The following DAND5 variants were observed in gnomAD, a reference collection of about 807,000 sequenced individuals.
DAND5 encodes DAN domain family member 5.
A neutral mutation model predicts 9.2 loss-of-function variants in DAND5; 8 were observed. The ratio of observed to expected loss-of-function variants is 0.87; its 90% CI spans 0.51 to 1.56. The LOEUF is 1.56. Among genes scored for constraint, DAND5 ranks in the 40% most tolerant of loss-of-function variants. DAND5 has a pLI of 0.00. For synonymous variants in DAND5, 95 were observed against 101.1 expected, an observed-to-expected ratio of 0.94 and a Z score of 0.36; for missense variants, 244 against 244.7, an observed-to-expected ratio of 1.00 and a Z score of 0.02.
intron 1 of DAND5, among the ~76,000 whole-genome samples, chr19:12,972,056 A>AT (rs1491209751): frequency 0.01 from 1,101 of 108,976 alleles, 20 homozygotes; most frequent in African/African-American, 0.029. Flanking sequence ...AGCCCAGCTA[A>AT]TATTTTTTTT....
At chr19:12,971,684 G>A (rs977322617) in intron 1 of DAND5, among the ~76,000 whole-genome samples, 8 of 150,898 alleles carry the variant, frequency 5.3e-5, no homozygotes, top group Middle Eastern at 3.5e-3. Flanking sequence ...TCCATCTCCC[G>A]GGTTCAAGCA....
intron 1 of DAND5, chr19:12,970,640 T>TCTTTCTTTCTTTCTTTCTTTCC: frequency 4.8e-6 from 2 of 413,962 alleles, no homozygotes; most frequent in Non-Finnish European, 7.9e-6. Context: ...TCTTTTTTTC[T>TCTTTCTTTCTTTCTTTCTTTCC]CTTTCTTTCT....
At chr19:12,970,800 C>A (rs2011142782) in intron 1 of DAND5, among the ~76,000 whole-genome samples, 1 of 152,070 alleles carries the variant, frequency 6.6e-6, no homozygotes, top group African/African-American at 2.4e-5. Flanking sequence ...CGTGCCTCAG[C>A]CTCCCAAGTA....
intron 1 of DAND5, among the ~76,000 whole-genome samples, chr19:12,970,919 G>A (rs1446625179): frequency 1.3e-5 from 2 of 152,168 alleles, no homozygotes; most frequent in Non-Finnish European, 2.9e-5. Context: ...GACCTCAGGT[G>A]ACCCGCCTGC....
chr19:12,973,571 C>T lies in DAND5; in HGVS notation c.507C>T (p.Ser169=). Residue 169 remains serine, a synonymous_variant, in exon 2 of 2, where the codon TCC becomes TCT. Transcript: ENST00000317060. ...VLWCLTGSSA[S]RRRVKISTML... ...GGTGTCTCACTGGCAGCTCAGCCTCCCGTCGACGGGTGAAGATATCCACCA... is the reference window on the plus strand; with the variant it reads ...GGTGTCTCACTGGCAGCTCAGCCTCTCGTCGACGGGTGAAGATATCCACCA... 6.2e-7 allele frequency: 1 copy of T among 1,614,144 alleles called. No individual in the cohort carries two copies. The highest frequency in any genetic ancestry group is 8.5e-7 in the Non-Finnish European group (1 of 1,180,042).
At chr19:12,971,477 C>G (rs1198743183) in intron 1 of DAND5, among the ~76,000 whole-genome samples, 1 of 151,662 alleles carries the variant, frequency 6.6e-6, no homozygotes, top group Non-Finnish European at 1.5e-5. Flanking sequence ...CGGGCTTTCA[C>G]CATGTTGGTC....
chr19:12,971,245 GCTTTT>G, intron 1 of DAND5, among the ~76,000 whole-genome samples: 1 of 151,768 alleles, frequency 6.6e-6, no homozygotes, highest in South Asian at 2.1e-4. Context: ...ATCCTGCTTG[GCTTTT>G]CTTTACTTTT....
Position 12,973,863 on chromosome 19 carries a change from C to CTTTTT in DAND5, c.*242_*246dup. The CTTTTT allele has an allele frequency of 2.9e-6, 1 of 348,516 alleles. No individual in the cohort carries two copies. The highest frequency in any genetic ancestry group is 5.1e-6 in the Non-Finnish European group (1 of 194,956). 21.6% of individuals were successfully genotyped at this position (348,516 alleles called of 1,614,324 possible). A position where few individuals can be genotyped will look rare whatever the true frequency, so the allele number is the denominator to read the frequency against. On this transcript the variant is annotated 3_prime_UTR_variant, in exon 2 of 2. Transcript: ENST00000317060. Reference sequence around the variant, plus strand: ...ACAGCACACAATGATTGACAACTCACTTTTTTTTTTTTTTTTTGAGATGGA... The same window carrying CTTTTT: ...ACAGCACACAATGATTGACAACTCACTTTTTTTTTTTTTTTTTTTTTTGAGATGGA...
chr19:12,970,119 T>C, intron 1 of DAND5, 135 bp downstream of exon 1: 2 of 1,087,678 alleles, frequency 1.8e-6, no homozygotes, highest in Non-Finnish European at 2.6e-6. Flanking sequence ...TTTCCTCCCT[T>C]GTAAAATGCG....
intron 1 of DAND5, 95 bp downstream of exon 1, chr19:12,970,079 A>G: frequency 2.1e-6 from 3 of 1,430,044 alleles, no homozygotes; most frequent in Non-Finnish European, 2.8e-6. Flanking sequence ...CAAGTCCTGT[A>G]TCCTCCACCT....
chr19:12,970,566 A>ACTTTCTTTCTTTT, intron 1 of DAND5: 1 of 470,874 alleles, frequency 2.1e-6, no homozygotes, highest in African/African-American at 2.1e-5. Context: ...TGATATACCA[A>ACTTTCTTTCTTTT]CTTTCTTTCT....
rs372018214 is a variant in DAND5 at position 12,973,646 on chromosome 19, T to C, written c.*12T>C. 9.9e-6 allele frequency: 16 copies of C among 1,611,936 alleles called. No individual in the cohort carries two copies. The African/African-American group carries it at 1.3e-4, about 13-fold the overall frequency. On this transcript the variant is annotated 3_prime_UTR_variant, in exon 2 of 2. Coordinates refer to ENST00000317060, the MANE Select transcript of DAND5 (RefSeq NM_152654.3). ...GCCCAAAAGCATGAACTGAGCATCG[T>C]GGATGGGTGCACGGAGACACGCACC... is the stretch of plus-strand genomic sequence containing the variant.
In DAND5 at chr19:12,969,800, C is replaced by T; in HGVS notation, c.140C>T (p.Ala47Val). The change falls in exon 1 of 2, where the codon GCC (alanine) becomes GTC (valine). Residue 47 changes from alanine (A) to valine (V), a missense_variant. By Grantham distance (64) the Ala-to-Val change is moderately conservative (BLOSUM62 0). Coordinates refer to ENST00000317060, the MANE Select transcript of DAND5 (RefSeq NM_152654.3). ...CAGACCTGGGCTCTGGGCCCAGGGGCCCTGCCCCCACTGGTGCCAGCTTCT... is the reference window on the plus strand; with the variant it reads ...CAGACCTGGGCTCTGGGCCCAGGGGTCCTGCCCCCACTGGTGCCAGCTTCT... ...ANQTWALGPGALPPLVPASAL... is the reference protein window; with the variant it reads ...ANQTWALGPGVLPPLVPASAL... 3 of 1,600,016 alleles carry T rather than the reference C, an allele frequency of 1.9e-6. No individual in the cohort carries two copies. The highest frequency in any genetic ancestry group is 2.6e-6 in the Non-Finnish European group (3 of 1,173,576).
At chr19:12,972,692 G>A (rs2011151187) in intron 1 of DAND5, among the ~76,000 whole-genome samples, 1 of 151,620 alleles carries the variant, frequency 6.6e-6, no homozygotes. Flanking sequence ...AGGTGTAGGT[G>A]CCCATGCCCG....
At chr19:12,972,444 C>T (rs999014999) in intron 1 of DAND5, among the ~76,000 whole-genome samples, 12 of 152,050 alleles carry the variant, frequency 7.9e-5, no homozygotes, top group Admixed American at 3.3e-4. Flanking sequence ...CACCACATCC[C>T]GCCCTTGGCT....
Position 12,969,689 on chromosome 19 carries a change from T to C in DAND5, c.29T>C (p.Leu10Pro). 6.2e-7 allele frequency: 1 copy of C among 1,607,704 alleles called. No individual in the cohort carries two copies. The highest frequency in any genetic ancestry group is 8.5e-7 in the Non-Finnish European group (1 of 1,177,286). The change falls in exon 1 of 2, where the codon CTG (leucine) becomes CCG (proline). Residue 10 changes from leucine to proline, a missense_variant. Leu to Pro is a moderately conservative substitution (Grantham distance 98). Coordinates refer to ENST00000317060, the MANE Select transcript of DAND5 (RefSeq NM_152654.3). The stretch of plus-strand genomic sequence containing the variant: ...CTCCTTGGCCAGCTATCCACTCTTC[T>C]GTGCCTGCTTAGCGGGGCCCTGCCT... MLLGQLSTL[L>P]CLLSGALPTG...
rs2011137504 is a variant in DAND5 at position 12,969,821 on chromosome 19, C to T, written c.161C>T (p.Ala54Val). The change falls in exon 1 of 2, where the codon GCT becomes GTT. Residue 54 changes from alanine (A) to valine (V), a missense_variant. Transcript: ENST00000317060. The stretch of plus-strand genomic sequence containing the variant: ...GGGGCCCTGCCCCCACTGGTGCCAG[C>T]TTCTGCCCTTGGGAGCTGGAAGGCC... Reference protein sequence around the residue: ...GPGALPPLVPASALGSWKAFL... With the variant: ...GPGALPPLVPVSALGSWKAFL... The T allele has an allele frequency of 1.2e-6, 2 of 1,609,084 alleles. No individual in the cohort carries two copies. Among genetic ancestry groups the T allele is most frequent in the Non-Finnish European group, 1.7e-6 (2 of 1,177,480 alleles).
intron 1 of DAND5, chr19:12,970,596 TTCTC>T (rs1208021802): frequency 2.0e-6 from 1 of 489,118 alleles, no homozygotes; most frequent in Non-Finnish European, 3.6e-6. Flanking sequence ...TTCTTTCTTT[TTCTC>T]TTTCTTTCTT....
intron 1 of DAND5, among the ~76,000 whole-genome samples, 180 bp downstream of exon 1, chr19:12,970,164 C>T (rs144188749): frequency 1.3e-5 from 2 of 152,038 alleles, no homozygotes; most frequent in African/African-American, 2.4e-5. Flanking sequence ...TCCTTGATTC[C>T]ACTATCATGC....
Sources: gnomAD v4.1 joint callset for allele counts (sites outside exome capture counted in the v4.1 genomes callset) on GRCh38, gnomAD v4.1.1 for gene constraint, MANE v1.5 for transcripts, NCBI Gene and HGNC (gene_info 2026-07-23, HGNC 2026-07-21) for gene names.